Variants in SGSM1 observed in about 807,000 individuals in gnomAD.
SGSM1 encodes the protein RUN and TBC1 domain containing 2.
In SGSM1, 73 loss-of-function variants were observed where a neutral mutation model predicts 133.8. The ratio of observed to expected loss-of-function variants is 0.55; its 90% CI spans 0.45 to 0.66. SGSM1 has a LOEUF of 0.66. SGSM1 is among the 30% of genes least tolerant of loss of function. SGSM1 has a pLI of 0.00. For synonymous variants in SGSM1, 563 were observed against 573.0 expected (o/e 0.98, Z 0.25); for missense variants, 1,213 against 1,448.1 (o/e 0.84, Z 2.64).
intron 3 of SGSM1, among the ~76,000 whole-genome samples, chr22:24,846,651 A>T (rs1308531853): frequency 6.6e-6 from 1 of 152,222 alleles, no homozygotes; most frequent in Non-Finnish European, 1.5e-5. Context: ...ATTGTTTCTT[A>T]TAAGCTGTTG....
chr22:24,889,660 T>G (rs1461109497), intron 16 of SGSM1, among the ~76,000 whole-genome samples: 1 of 151,056 alleles, frequency 6.6e-6, no homozygotes, highest in Non-Finnish European at 1.5e-5. Flanking sequence ...ATTGATTTTT[T>G]TTTTTTTGAG....
At chr22:24,890,807 C>T (rs1027050911) in intron 16 of SGSM1, among the ~76,000 whole-genome samples, 1 of 152,084 alleles carries the variant, frequency 6.6e-6, no homozygotes, top group African/African-American at 2.4e-5. Flanking sequence ...CTCCCAAAGT[C>T]CTGGGATTAC....
intron 2 of SGSM1, among the ~76,000 whole-genome samples, chr22:24,810,296 G>A (rs1427102532): frequency 2.0e-5 from 3 of 151,690 alleles, no homozygotes; most frequent in Admixed American, 6.6e-5. Flanking sequence ...TAAACCCTGC[G>A]AGAACACCCA....
chr22:24,842,824 A>G (rs1929884553), intron 2 of SGSM1, among the ~76,000 whole-genome samples: 1 of 152,212 alleles, frequency 6.6e-6, no homozygotes, highest in Admixed American at 6.5e-5. Flanking sequence ...CACATTTTGC[A>G]GACATTTATT....
chr22:24,842,615 T>G lies in SGSM1; in HGVS notation c.64-2282T>G, dbSNP rs558865986. ...GGTTGCCCTCATGGGGATCAGAGCC[T>G]GGCAGGGAAAACAAGTACTGACCAA... On this transcript the variant is annotated intron_variant, in intron 2 of 24. Transcript: ENST00000400358. Among the ~76,000 whole-genome samples the G allele has an allele frequency of 1.2e-4, 18 of 152,244 alleles. No homozygotes were observed. The South Asian group carries it at 3.7e-3, about 32-fold the overall frequency.
chr22:24,883,995 G>A (rs946666635), intron 14 of SGSM1, 58 bp from the exon 15 acceptor site: 3 of 1,499,518 alleles, frequency 2.0e-6, no homozygotes, highest in Non-Finnish European at 1.8e-6. Context: ...AGTCCCATGA[G>A]ACAAGGTGAG....
intron 9 of SGSM1, 67 bp downstream of exon 9, chr22:24,859,907 C>A: frequency 6.3e-7 from 1 of 1,595,710 alleles, no homozygotes; most frequent in Non-Finnish European, 8.6e-7. Flanking sequence ...GGAAGTTCCT[C>A]CCCGGGGGAG....
At chr22:24,893,710 G>A in intron 17 of SGSM1, 97 bp downstream of exon 17, 2 of 1,308,394 alleles carry the variant, frequency 1.5e-6, no homozygotes, top group Non-Finnish European at 2.0e-6. Context: ...GGGTGTCTGG[G>A]GCCTGGTGAC....
intron 2 of SGSM1, among the ~76,000 whole-genome samples, chr22:24,831,962 G>C (rs916864236): frequency 6.6e-6 from 1 of 152,208 alleles, no homozygotes; most frequent in Non-Finnish European, 1.5e-5. Flanking sequence ...GGAGGCCTAG[G>C]TTGGCTGGGT....
intron 23 of SGSM1, 144 bp from the exon 24 acceptor site, chr22:24,919,682 C>G: frequency 1.3e-6 from 1 of 771,616 alleles, no homozygotes; most frequent in Non-Finnish European, 2.1e-6. Flanking sequence ...TGCCTTCTGA[C>G]CTGAGTTCTA....
chr22:24,899,535 T>C (rs1453178195), intron 19 of SGSM1, among the ~76,000 whole-genome samples: 6 of 125,614 alleles, frequency 4.8e-5, no homozygotes, highest in African/African-American at 2.0e-4. Context: ...TTTTTTTTTT[T>C]TAATTGAGAC....
intron 14 of SGSM1, among the ~76,000 whole-genome samples, chr22:24,881,568 AAAC>A (rs1932329272): frequency 7.7e-6 from 1 of 130,582 alleles, no homozygotes; most frequent in South Asian, 2.8e-4. Flanking sequence ...TCCGTCTCAA[AAAC>A]AAAACAAAAC....
chr22:24,902,147 C>T (rs1933189529), intron 20 of SGSM1, among the ~76,000 whole-genome samples, 190 bp downstream of exon 20: 1 of 152,152 alleles, frequency 6.6e-6, no homozygotes, highest in African/African-American at 2.4e-5. Context: ...TTACTGTATA[C>T]CAGCCACTGT....
chr22:24,887,982 A>C (rs1932712434), intron 16 of SGSM1, among the ~76,000 whole-genome samples: 1 of 152,128 alleles, frequency 6.6e-6, no homozygotes, highest in African/African-American at 2.4e-5. Context: ...TTTATTTGCC[A>C]TTGTGTATCT....
chr22:24,861,713 A>G (rs1224053945), intron 9 of SGSM1, among the ~76,000 whole-genome samples: 2 of 151,020 alleles, frequency 1.3e-5, no homozygotes, highest in African/African-American at 4.9e-5. Flanking sequence ...ACACCCAGCT[A>G]ATTTTTGTAT....
chr22:24,860,897 T>TA lies in SGSM1; in HGVS notation c.926+1083dup, dbSNP rs554853690. ...CCTGGGTGACAGAGCGAGACTGTCT[T>TA]AAAAAAAAAAAAAAAAAAAAAAAAA... On this transcript the variant is annotated intron_variant, in intron 9 of 24. Coordinates refer to ENST00000400358, the MANE Select transcript of SGSM1 (RefSeq NM_001098497.3). Among the ~76,000 whole-genome samples, 118 of 43,882 alleles carry TA rather than the reference T, an allele frequency of 2.7e-3. 1 individual carries two copies. Among genetic ancestry groups the TA allele is most frequent in the Non-Finnish European group, 2.6e-3 (61 of 23,662 alleles). The allele number at this position is 43,882 out of a possible 152,430, so 28.8% of individuals were successfully genotyped here.
At chr22:24,808,816 AAG>A (rs975431649) in intron 2 of SGSM1, among the ~76,000 whole-genome samples, 2 of 152,192 alleles carry the variant, frequency 1.3e-5, no homozygotes, top group East Asian at 1.9e-4. Flanking sequence ...CTTGGGCTCA[AAG>A]AGGGGGAATA....
At position 24,892,426 on chromosome 22, in the gene SGSM1, C is replaced by G. The variant is rs1347322615; in HGVS notation, c.1771-1005C>G. ...GTGTTACTCAGGGACAATGGAAGCT[C>G]CCCACCTCTTTGCTGAATCCCACAA... On this transcript the variant is annotated intron_variant, in intron 16 of 24. Coordinates refer to ENST00000400358, the MANE Select transcript of SGSM1 (RefSeq NM_001098497.3). 3.9e-5 allele frequency among the ~76,000 whole-genome samples: 6 copies of G among 152,180 alleles called. No homozygotes were observed. The South Asian group carries it at 1.2e-3, about 32-fold the overall frequency.
At chr22:24,816,307 TC>T (rs1928070664) in intron 2 of SGSM1, among the ~76,000 whole-genome samples, 1 of 152,020 alleles carries the variant, frequency 6.6e-6, no homozygotes, top group Non-Finnish European at 1.5e-5. Context: ...GCCAGCTCCA[TC>T]CTCCATCCTT....
Sources: allele counts gnomAD v4.1 joint callset (sites outside exome capture counted in the v4.1 genomes callset), GRCh38; gene constraint gnomAD v4.1.1; transcripts MANE v1.5; gene names NCBI Gene and HGNC (gene_info 2026-07-23, HGNC 2026-07-21).